The following CLSTN2 variants were observed in gnomAD, a reference collection of about 807,000 sequenced individuals.
The protein encoded by CLSTN2 is calsyntenin 2.
In CLSTN2, 48 loss-of-function variants were observed where a neutral mutation model predicts 101.2. The ratio of observed to expected loss-of-function variants is 0.47; its 90% CI spans 0.38 to 0.60. CLSTN2 has a LOEUF of 0.60. Ranked by LOEUF, CLSTN2 falls within the 20% of genes least tolerant of loss-of-function variation. The pLI is 0.00. For missense variants in CLSTN2, 1,160 were observed against 1,238.2 expected (o/e 0.94, Z 0.95); for synonymous variants, 481 against 463.6 (o/e 1.04, Z -0.48).
intron 8 of CLSTN2, among the ~76,000 whole-genome samples, chr3:140,487,879 G>A (rs1046206184): frequency 6.6e-6 from 1 of 152,192 alleles, no homozygotes; most frequent in African/African-American, 2.4e-5. Flanking sequence ...CAAAGACAGA[G>A]TCTTATATCT....
intron 1 of CLSTN2, among the ~76,000 whole-genome samples, chr3:140,107,943 C>T (rs2009090194): frequency 6.6e-6 from 1 of 152,170 alleles, no homozygotes; most frequent in Non-Finnish European, 1.5e-5. Context: ...TGAGGCAGCG[C>T]CTCCAGCAAT....
chr3:140,197,264 G>A (rs1408854575), intron 2 of CLSTN2, among the ~76,000 whole-genome samples: 1 of 152,132 alleles, frequency 6.6e-6, no homozygotes, highest in African/African-American at 2.4e-5. Context: ...GATATCAACA[G>A]CCTGGACCCT....
chr3:140,209,386 G>T (rs1188076140), intron 2 of CLSTN2, among the ~76,000 whole-genome samples: 1 of 152,148 alleles, frequency 6.6e-6, no homozygotes, highest in Non-Finnish European at 1.5e-5. Context: ...CAGCTGTGTA[G>T]CTTTGGTGGC....
Position 140,574,972 on chromosome 3 carries a change from C to T in CLSTN2, c.*8719C>T, listed in dbSNP as rs1261276843. The T allele has an allele frequency of 1.3e-5, 2 of 152,180 alleles. No homozygotes were observed. Among genetic ancestry groups the T allele is most frequent in the African/African-American group, 4.8e-5 (2 of 41,416 alleles). The allele number at this position is 152,180 out of a possible 1,614,324, so 9.4% of individuals were successfully genotyped here. A position where few individuals can be genotyped will look rare whatever the true frequency, so the allele number is the denominator to read the frequency against. The stretch of plus-strand genomic sequence containing the variant: ...ATGGATGTTAATATAAAGGCTCATC[C>T]ACCCTTGGTGGCAAAAGTGCATCCA... On this transcript the variant is annotated 3_prime_UTR_variant, in exon 17 of 17. Coordinates refer to ENST00000458420, the MANE Select transcript of CLSTN2 (RefSeq NM_022131.3).
chr3:140,390,701 A>T (rs1378470098), intron 2 of CLSTN2, among the ~76,000 whole-genome samples: 1 of 152,098 alleles, frequency 6.6e-6, no homozygotes, highest in Non-Finnish European at 1.5e-5. Context: ...TTCTCCCTTT[A>T]ACTCTATCCA....
At chr3:140,496,411 C>A (rs559356391) in intron 8 of CLSTN2, among the ~76,000 whole-genome samples, 8 of 152,308 alleles carry the variant, frequency 5.3e-5, no homozygotes, top group South Asian at 4.1e-4. Context: ...CATCTGCAAG[C>A]AAAGATAACT....
chr3:140,347,434 A>C (rs1167769030), intron 2 of CLSTN2, among the ~76,000 whole-genome samples: 1 of 152,212 alleles, frequency 6.6e-6, no homozygotes, highest in African/African-American at 2.4e-5. Context: ...GACATTTCCA[A>C]AAGGCCTAAA....
At chr3:140,240,174 CTATATATATA>C (rs1226140178) in intron 2 of CLSTN2, among the ~76,000 whole-genome samples, 3 of 13,320 alleles carry the variant, frequency 2.3e-4, no homozygotes, top group Non-Finnish European at 3.5e-4. Context: ...CTCTCTCTCT[CTATATATATA>C]TATATATATA....
intron 8 of CLSTN2, among the ~76,000 whole-genome samples, chr3:140,482,429 G>C (rs1934138493): frequency 1.3e-5 from 2 of 152,160 alleles, no homozygotes; most frequent in African/African-American, 4.8e-5. Context: ...TCTCTGCCAG[G>C]CTTTGGTATC....
intron 2 of CLSTN2, among the ~76,000 whole-genome samples, chr3:140,276,765 A>G (rs972995391): frequency 1.4e-4 from 22 of 152,222 alleles, no homozygotes; most frequent in African/African-American, 5.3e-4. Flanking sequence ...GTTGGTCTCC[A>G]GTATCACATA....
rs202004397 is a variant in CLSTN2, at chr3:140,287,627, T to G, written c.232+111554T>G. Among the ~76,000 whole-genome samples, 4 of 152,150 alleles carry G rather than the reference T, an allele frequency of 2.6e-5. No homozygotes were observed. The East Asian group carries it at 7.7e-4, about 29-fold the overall frequency. ...GAATAGGGAAGTTGAGAAAAAAACA[T>G]AGTTTTTTTTCCTAAGGAAAATGGA... On this transcript the variant is annotated intron_variant, in intron 2 of 16. Coordinates refer to ENST00000458420, the MANE Select transcript of CLSTN2 (RefSeq NM_022131.3).
intron 2 of CLSTN2, among the ~76,000 whole-genome samples, chr3:140,265,146 G>A (rs1457824729): frequency 6.6e-6 from 1 of 152,134 alleles, no homozygotes; most frequent in Non-Finnish European, 1.5e-5. Context: ...GAATTCATTT[G>A]GTATGTGGAA....
Position 140,193,261 on chromosome 3 carries a change from G to GTT in CLSTN2, c.232+17209_232+17210dup, listed in dbSNP as rs367933711. ...ATGCTCCAAGGTTTCCTTTTTTATA[G>GTT]TTTTTTTTTTTTTTTTTTTTTTGGT... On this transcript the variant is annotated intron_variant, in intron 2 of 16. Transcript: ENST00000458420. Among the ~76,000 whole-genome samples the GTT allele has an allele frequency of 6.4e-3, 557 of 87,366 alleles. 1 individual carries two copies. The highest frequency in any genetic ancestry group is 0.02 in the African/African-American group (449 of 22,492). The allele number at this position is 87,366 out of a possible 152,430, so 57.3% of individuals were successfully genotyped here.
In CLSTN2 at chr3:140,186,826, A is replaced by AT. The variant is rs200200331; in HGVS notation, c.232+10761dup. Among the ~76,000 whole-genome samples the AT allele has an allele frequency of 8.8e-3, 1,341 of 151,938 alleles. 24 individuals are homozygous for AT. Among genetic ancestry groups the AT allele is most frequent in the African/African-American group, 0.029 (1,217 of 41,438 alleles). ...GACTTCATTGAAATACAATTTGTGT[A>AT]TTTTTTTTAATGGAAAGGTGAATCC... is the stretch of plus-strand genomic sequence containing the variant. On this transcript the variant is annotated intron_variant, in intron 2 of 16. Transcript: ENST00000458420.
At chr3:140,195,791 C>T (rs2010635427) in intron 2 of CLSTN2, among the ~76,000 whole-genome samples, 2 of 152,300 alleles carry the variant, frequency 1.3e-5, no homozygotes, top group Admixed American at 1.3e-4. Flanking sequence ...CTAGGCAATA[C>T]AGGATAAAGG....
chr3:140,381,087 A>G (rs1430753882), intron 2 of CLSTN2, among the ~76,000 whole-genome samples: 3 of 152,274 alleles, frequency 2.0e-5, no homozygotes, highest in Non-Finnish European at 2.9e-5. Context: ...TCTGATGGCT[A>G]AAGGGGAGGA....
At chr3:140,474,066 G>C (rs115690327) in intron 8 of CLSTN2, among the ~76,000 whole-genome samples, 1 of 152,078 alleles carries the variant, frequency 6.6e-6, no homozygotes, top group Admixed American at 6.5e-5. Flanking sequence ...AAGCCACCAC[G>C]CCTGGCCAAA....
At chr3:140,047,412 A>G (rs2007902954) in intron 1 of CLSTN2, among the ~76,000 whole-genome samples, 1 of 152,126 alleles carries the variant, frequency 6.6e-6, no homozygotes, top group Non-Finnish European at 1.5e-5. Context: ...TGGTATATAA[A>G]GTTTATTATT....
At chr3:140,236,857 G>C (rs916573852) in intron 2 of CLSTN2, among the ~76,000 whole-genome samples, 1 of 115,416 alleles carries the variant, frequency 8.7e-6, no homozygotes, top group Non-Finnish European at 1.9e-5. Flanking sequence ...GTGTGTGTGT[G>C]TGTGTGTATA....
Sources: allele counts gnomAD v4.1 joint callset (sites outside exome capture counted in the v4.1 genomes callset), GRCh38; gene constraint gnomAD v4.1.1; transcripts MANE v1.5; gene names NCBI Gene and HGNC (gene_info 2026-07-23, HGNC 2026-07-21).